Variants in CACNA1B observed in about 807,000 individuals in gnomAD.
CACNA1B encodes the protein calcium voltage-gated channel subunit alpha1 B.
In CACNA1B, 70 loss-of-function variants were observed where a neutral mutation model predicts 247.2. That is an observed-to-expected ratio of 0.28 (90% CI 0.23 to 0.35). The LOEUF is 0.35. CACNA1B is among the 10% of genes least tolerant of loss of function. CACNA1B has a pLI of 1.00. For synonymous variants in CACNA1B, 1,231 were observed against 1,294.4 expected (o/e 0.95, Z 1.05); for missense variants, 2,367 against 3,197.4 (o/e 0.74, Z 6.26).
At chr9:138,016,912 T>C (rs1369516262) in intron 18 of CACNA1B, among the ~76,000 whole-genome samples, 2 of 152,248 alleles carry the variant, frequency 1.3e-5, no homozygotes, top group Non-Finnish European at 2.9e-5. Context: ...CAGGGTTTGC[T>C]GTCTCACTTC....
At chr9:137,976,765 G>A (rs1365844882) in intron 12 of CACNA1B, among the ~76,000 whole-genome samples, 1 of 129,110 alleles carries the variant, frequency 7.7e-6, no homozygotes, top group Non-Finnish European at 1.6e-5. Flanking sequence ...TGAGCACAGA[G>A]GGCAGGGCAG....
In CACNA1B at chr9:138,121,578, G is replaced by A. The variant is rs1962101889; in HGVS notation, c.6599G>A (p.Ser2200Asn). The A allele has an allele frequency of 1.9e-6, 3 of 1,611,588 alleles. No individual in the cohort carries two copies. The highest frequency in any genetic ancestry group is 1.3e-5 in the African/African-American group (1 of 74,962). ...LPQTPLTPRPSITYKTANSSP... is the reference protein window; with the variant it reads ...LPQTPLTPRPNITYKTANSSP... ...CAGACGCCCCTGACTCCCCGCCCCA[G>A]CATCACCTACAAGACGGCCAACTCC... The change falls in exon 47 of 47, where the codon AGC becomes AAC. Residue 2200 changes from serine (S) to asparagine (N), a missense_variant. Transcript: ENST00000371372. The surrounding 1 kb of genome is among the most constrained non-coding windows in gnomAD (Gnocchi z 6.8).
intron 35 of CACNA1B, among the ~76,000 whole-genome samples, chr9:138,076,201 G>T (rs765875189): frequency 2.0e-5 from 3 of 152,218 alleles, no homozygotes; most frequent in Admixed American, 6.5e-5. Flanking sequence ...GTGCTCCCTG[G>T]CGACAGCTTG....
chr9:138,049,176 A>G (rs892981901), intron 23 of CACNA1B, 33 bp from the exon 24 acceptor site: 1 of 1,378,610 alleles, frequency 7.3e-7, no homozygotes, highest in Non-Finnish European at 1.0e-6. Flanking sequence ...TTTCTGGACT[A>G]TGACGTATCT....
intron 36 of CACNA1B, among the ~76,000 whole-genome samples, chr9:138,082,104 A>C (rs2131324503): frequency 6.6e-6 from 1 of 151,442 alleles, no homozygotes; most frequent in Admixed American, 6.6e-5. Flanking sequence ...ACAGAGTCTT[A>C]GATTTGACAC....
intron 20 of CACNA1B, among the ~76,000 whole-genome samples, chr9:138,036,391 G>A (rs1001630872): frequency 1.3e-5 from 2 of 152,160 alleles, no homozygotes; most frequent in African/African-American, 4.8e-5. Flanking sequence ...TGCCTGCCTC[G>A]GCCTCCCAAA....
intron 18 of CACNA1B, among the ~76,000 whole-genome samples, chr9:138,016,660 G>A (rs1302851451): frequency 1.3e-5 from 2 of 151,590 alleles, no homozygotes; most frequent in South Asian, 2.1e-4. Flanking sequence ...GCCGGGAGAC[G>A]GTGCGGTCAG....
At chr9:137,884,903 C>T (rs868027849) in intron 3 of CACNA1B, among the ~76,000 whole-genome samples, 19 of 140,264 alleles carry the variant, frequency 1.4e-4, no homozygotes, top group Admixed American at 4.9e-4. Flanking sequence ...CTCCTCTTCC[C>T]GCCTCCCTCT....
At position 138,057,737 on chromosome 9, in the gene CACNA1B, A is replaced by G. The variant is rs759189902; in HGVS notation, c.3974A>G (p.Gln1325Arg). 1.2e-6 allele frequency: 2 copies of G among 1,609,896 alleles called. No individual in the cohort carries two copies. The highest frequency in any genetic ancestry group is 1.7e-6 in the Non-Finnish European group (2 of 1,176,760). ...SKELERDCRG[Q>R]YLDYEKEEVE... is the part of the protein sequence containing the mutation. ...TCCCATGTTCTCATTCCTAGGGGTC[A>G]GTATTTGGATTATGAGAAGGAGGAA... Residue 1325 changes from glutamine to arginine, a missense_variant, in exon 27 of 47, where the codon CAG becomes CGG. Physicochemically the swap from Gln to Arg is conservative, Grantham distance 43. Coordinates refer to ENST00000371372, the MANE Select transcript of CACNA1B (RefSeq NM_000718.4). The surrounding 1 kb of genome is among the most constrained non-coding windows in gnomAD (Gnocchi z 4.0).
In CACNA1B at chr9:138,121,553, C is replaced by A; in HGVS notation, c.6574C>A (p.Gln2192Lys). 1 of 1,602,212 alleles carries A rather than the reference C, an allele frequency of 6.2e-7. No individual in the cohort carries two copies. The highest frequency in any genetic ancestry group is 1.1e-5 in the South Asian group (1 of 89,854). ...CCGCGGTGGGCGGAGGCAGCTCCCC[C>A]AGACGCCCCTGACTCCCCGCCCCAG... ...PGRGGRRQLP[Q>K]TPLTPRPSIT... is the part of the protein sequence containing the mutation. The change falls in exon 47 of 47, where the codon CAG (glutamine) becomes AAG (lysine). Residue 2192 changes from glutamine to lysine, a missense_variant. Gln to Lys is a moderately conservative substitution (Grantham distance 53). Coordinates refer to ENST00000371372, the MANE Select transcript of CACNA1B (RefSeq NM_000718.4). This position sits in a 1 kb window ranked among gnomAD's most constrained non-coding sequence, Gnocchi z 6.8.
chr9:137,946,656 G>A (rs928279189), intron 6 of CACNA1B, among the ~76,000 whole-genome samples: 11 of 152,064 alleles, frequency 7.2e-5, no homozygotes, highest in African/African-American at 9.7e-5. Flanking sequence ...AGGCAGTGGT[G>A]GTCAGGTGCT....
At chr9:137,904,102 G>T (rs1238481099) in intron 3 of CACNA1B, among the ~76,000 whole-genome samples, 1 of 152,022 alleles carries the variant, frequency 6.6e-6, no homozygotes, top group Non-Finnish European at 1.5e-5. Context: ...TGTGCTTTTG[G>T]GTTTTGTGCT....
At chr9:138,109,208 T>C (rs1961540351) in intron 39 of CACNA1B, among the ~76,000 whole-genome samples, 1 of 152,242 alleles carries the variant, frequency 6.6e-6, no homozygotes, top group South Asian at 2.1e-4. Context: ...CAATTGATTT[T>C]TAACAAACTT....
rs1340006958 is a variant in CACNA1B, at chr9:138,025,009, C to T, written c.3123C>T (p.His1041=). 6.2e-7 allele frequency: 1 copy of T among 1,600,192 alleles called. No individual in the cohort carries two copies. The highest frequency in any genetic ancestry group is 8.5e-7 in the Non-Finnish European group (1 of 1,173,358). The change falls in exon 20 of 47, where the codon CAC becomes CAT. Residue 1041 remains histidine (H), a synonymous_variant. Coordinates refer to ENST00000371372, the MANE Select transcript of CACNA1B (RefSeq NM_000718.4). ...TSGTVTVGPM[H]TLPSTCLQKV... ...GGACTGTGACTGTGGGTCCCATGCA[C>T]ACACTGCCCAGCACCTGTCTCCAGA...
intron 20 of CACNA1B, among the ~76,000 whole-genome samples, chr9:138,027,053 G>T (rs181043383): frequency 1.3e-5 from 2 of 152,312 alleles, no homozygotes; most frequent in East Asian, 3.9e-4. Flanking sequence ...TATTTGCCAT[G>T]TGTATAATTT....
intron 10 of CACNA1B, among the ~76,000 whole-genome samples, chr9:137,964,778 C>A (rs923432547): frequency 6.6e-6 from 1 of 152,216 alleles, no homozygotes; most frequent in African/African-American, 2.4e-5. Flanking sequence ...AAGGGGCACT[C>A]TGGCTTTTTG....
Position 137,880,477 on chromosome 9 carries a change from G to A in CACNA1B, c.390+1318G>A, listed in dbSNP as rs73668134. Among the ~76,000 whole-genome samples, 2,470 of 151,928 alleles carry A rather than the reference G, an allele frequency of 0.016. 77 individuals are homozygous for A. The highest frequency in any genetic ancestry group is 0.057 in the African/African-American group (2,354 of 41,400). On this transcript the variant is annotated intron_variant, in intron 2 of 46. Coordinates refer to ENST00000371372, the MANE Select transcript of CACNA1B (RefSeq NM_000718.4). The surrounding 1 kb of genome is among the most constrained non-coding windows in gnomAD (Gnocchi z 4.8). The stretch of plus-strand genomic sequence containing the variant: ...TGCCAAGTCACAGGAAGGAGGGCAG[G>A]GCCAGGGTCAGAGGGACGCAGGCCC...
Position 138,058,854 on chromosome 9 carries a change from C to A in CACNA1B, c.4473+121C>A. 1 of 901,272 alleles carries A rather than the reference C, an allele frequency of 1.1e-6. No individual in the cohort carries two copies. The highest frequency in any genetic ancestry group is 1.7e-6 in the Non-Finnish European group (1 of 577,656). The allele number at this position is 901,272 out of a possible 1,614,324, so 55.8% of individuals were successfully genotyped here. A position where few individuals can be genotyped will look rare whatever the true frequency, so the allele number is the denominator to read the frequency against. On this transcript the variant is annotated intron_variant, in intron 29 of 46. Transcript: ENST00000371372. This position sits in a 1 kb window ranked among gnomAD's most constrained non-coding sequence, Gnocchi z 4.7. ...ATGAGCCAAAGCAGTAGTGGCCTTGCATCCTGGCCAGCATGGGATGCCTGT... is the reference window on the plus strand; with the variant it reads ...ATGAGCCAAAGCAGTAGTGGCCTTGAATCCTGGCCAGCATGGGATGCCTGT...
intron 31 of CACNA1B, among the ~76,000 whole-genome samples, chr9:138,064,766 G>A (rs745370602): frequency 6.6e-6 from 1 of 152,186 alleles, no homozygotes; most frequent in African/African-American, 2.4e-5. Flanking sequence ...ATTGTGTGCT[G>A]CCATGGAGCC....
Sources: allele counts gnomAD v4.1 joint callset (sites outside exome capture counted in the v4.1 genomes callset), GRCh38; gene constraint gnomAD v4.1.1; non-coding constraint Gnocchi (gnomAD v3.1); transcripts MANE v1.5; gene names NCBI Gene and HGNC (gene_info 2026-07-23, HGNC 2026-07-21).